The following PCDH9 variants were observed in gnomAD, a reference collection of about 807,000 sequenced individuals.
PCDH9 encodes the protein protocadherin 9.
Under a neutral mutation model 70.6 loss-of-function variants are expected in PCDH9, and 24 were observed. The ratio of observed to expected loss-of-function variants is 0.34; its 90% CI spans 0.25 to 0.48. The LOEUF is 0.48. Among genes scored for constraint, PCDH9 ranks in the 20% least tolerant of loss-of-function variants. The pLI is 0.99. For missense variants in PCDH9, 1,281 were observed against 1,503.6 expected (o/e 0.85, Z 2.45); for synonymous variants, 562 against 558.5 (o/e 1.01, Z -0.09).
chr13:66,442,810 CATA>C (rs1344886882), intron 4 of PCDH9, among the ~76,000 whole-genome samples: 2 of 152,078 alleles, frequency 1.3e-5, no homozygotes, highest in Admixed American at 1.3e-4. Context: ...GTTTGCTCAT[CATA>C]ATATTTTCTC....
intron 2 of PCDH9, among the ~76,000 whole-genome samples, chr13:67,068,639 A>C (rs1219896749): frequency 6.6e-6 from 1 of 152,206 alleles, no homozygotes; most frequent in Non-Finnish European, 1.5e-5. Context: ...CATGCGTTTG[A>C]TCCCAAACCT....
chr13:67,141,501 C>T (rs9571717), intron 2 of PCDH9, among the ~76,000 whole-genome samples: 48,674 of 151,596 alleles, frequency 0.32, 8,583 homozygotes, highest in African/African-American at 0.48. Flanking sequence ...AGTGCAGTGG[C>T]GCAATGTCAG....
intron 3 of PCDH9, among the ~76,000 whole-genome samples, chr13:66,676,204 GCT>G (rs2078240315): frequency 6.6e-6 from 1 of 152,076 alleles, no homozygotes; most frequent in Non-Finnish European, 1.5e-5. Context: ...TAGTGTGGCA[GCT>G]CCAAGTAAAC....
chr13:66,866,208 C>A (rs1395516179), intron 3 of PCDH9, among the ~76,000 whole-genome samples: 1 of 152,160 alleles, frequency 6.6e-6, no homozygotes, highest in Non-Finnish European at 1.5e-5. Context: ...CTCGGCCATG[C>A]GCGGTGACTC....
intron 3 of PCDH9, among the ~76,000 whole-genome samples, chr13:66,654,854 G>A (rs1010586217): frequency 1.3e-5 from 2 of 148,168 alleles, no homozygotes; most frequent in Non-Finnish European, 3.0e-5. Flanking sequence ...GACTACAGGG[G>A]TATGCCACAA....
At chr13:66,380,233 G>A (rs938905311) in intron 4 of PCDH9, among the ~76,000 whole-genome samples, 1 of 152,128 alleles carries the variant, frequency 6.6e-6, no homozygotes, top group African/African-American at 2.4e-5. Flanking sequence ...ATGATAATTA[G>A]CTTCCTAACA....
intron 4 of PCDH9, among the ~76,000 whole-genome samples, chr13:66,560,893 C>T (rs575575972): frequency 8.0e-4 from 122 of 152,322 alleles, no homozygotes; most frequent in African/African-American, 2.8e-3. Flanking sequence ...TGAGAGGTGA[C>T]AGCGTGCTAG....
chr13:66,421,516 T>C (rs1346652771), intron 4 of PCDH9, among the ~76,000 whole-genome samples: 1 of 152,156 alleles, frequency 6.6e-6, no homozygotes, highest in African/African-American at 2.4e-5. Flanking sequence ...TTCAATATTC[T>C]TGAAAACAAG....
intron 2 of PCDH9, among the ~76,000 whole-genome samples, chr13:67,177,449 C>T (rs1271557977): frequency 6.6e-6 from 1 of 152,070 alleles, no homozygotes; most frequent in African/African-American, 2.4e-5. Context: ...TTTACCAAAT[C>T]GAGTTAATTT....
intron 4 of PCDH9, among the ~76,000 whole-genome samples, chr13:66,554,634 T>C (rs949289226): frequency 6.6e-6 from 1 of 152,086 alleles, no homozygotes; most frequent in African/African-American, 2.4e-5. Context: ...TACAGATAAA[T>C]TGCTTCCATG....
intron 4 of PCDH9, among the ~76,000 whole-genome samples, chr13:66,327,156 A>G (rs989870743): frequency 8.5e-5 from 13 of 152,200 alleles, no homozygotes; most frequent in Admixed American, 5.9e-4. Context: ...CTAAGAATGT[A>G]TTGTGTGTTA....
chr13:66,613,195 C>CAGCAG (rs1468514206), intron 4 of PCDH9, among the ~76,000 whole-genome samples: 1 of 152,142 alleles, frequency 6.6e-6, no homozygotes, highest in Non-Finnish European at 1.5e-5. Flanking sequence ...TCGAAGAGTG[C>CAGCAG]AGCAGAGCCG....
At chr13:67,106,990 C>A (rs2086559416) in intron 2 of PCDH9, among the ~76,000 whole-genome samples, 1 of 152,194 alleles carries the variant, frequency 6.6e-6, no homozygotes, top group Admixed American at 6.5e-5. Flanking sequence ...TACATGAGGT[C>A]TGCAGGTGCT....
chr13:66,547,042 T>A (rs1333280702), intron 4 of PCDH9, among the ~76,000 whole-genome samples: 1 of 152,214 alleles, frequency 6.6e-6, no homozygotes, highest in Non-Finnish European at 1.5e-5. Context: ...ACACATTTTT[T>A]AGAATGTATT....
chr13:67,126,022 C>T (rs117752805), intron 2 of PCDH9, among the ~76,000 whole-genome samples: 1 of 152,242 alleles, frequency 6.6e-6, no homozygotes, highest in East Asian at 1.9e-4. Flanking sequence ...TCCTAGCAGT[C>T]TATCAGTAAC....
chr13:66,339,280 T>C (rs1336597788), intron 4 of PCDH9, among the ~76,000 whole-genome samples: 1 of 152,072 alleles, frequency 6.6e-6, no homozygotes, highest in Non-Finnish European at 1.5e-5. Context: ...TAATTATCAG[T>C]ATTCTTAAAT....
chr13:66,447,747 G>A (rs201019042), intron 4 of PCDH9, among the ~76,000 whole-genome samples: 2 of 152,146 alleles, frequency 1.3e-5, no homozygotes, highest in Non-Finnish European at 2.9e-5. Flanking sequence ...GTGAGTGAAA[G>A]TTGTCTTGTA....
intron 2 of PCDH9, chr13:67,220,299 C>T (rs1311997863): frequency 1.3e-5 from 2 of 151,894 alleles, no homozygotes; most frequent in East Asian, 3.9e-4. Flanking sequence ...CGTTACAATG[C>T]CATATCTAAT....
intron 3 of PCDH9, among the ~76,000 whole-genome samples, chr13:66,656,601 T>G (rs1340348485): frequency 6.7e-6 from 1 of 150,094 alleles, no homozygotes; most frequent in Admixed American, 6.7e-5. Flanking sequence ...AAGGTACACA[T>G]GTTGCTTAAG....
Sources: allele counts gnomAD v4.1 joint callset (sites outside exome capture counted in the v4.1 genomes callset), GRCh38; gene constraint gnomAD v4.1.1; transcripts MANE v1.5; gene names NCBI Gene and HGNC (gene_info 2026-07-23, HGNC 2026-07-21).